The following RPTOR variants were observed in gnomAD, a reference collection of about 807,000 sequenced individuals.
RPTOR encodes the protein regulatory-associated protein of mTOR.
RPTOR carries 21 observed loss-of-function variants against 169.9 expected under a neutral mutation model. The observed-to-expected ratio is 0.12, with a 90% CI of 0.09 to 0.18. RPTOR has a LOEUF of 0.18. Ranked by LOEUF, RPTOR falls within the 10% of genes least tolerant of loss-of-function variation. The pLI, the probability that RPTOR is intolerant of heterozygous loss-of-function variation, is 1.00. For missense variants in RPTOR, 1,133 were observed against 1,855.9 expected (o/e 0.61, Z 7.16); for synonymous variants, 732 against 753.2 (o/e 0.97, Z 0.46).
At position 80,634,754 on chromosome 17, in the gene RPTOR, TGTGTGCGTACTGTGC is replaced by T. The variant is rs1434351538; in HGVS notation, c.265+8967_266-8954del. 4.3e-5 allele frequency among the ~76,000 whole-genome samples: 6 copies of T among 140,072 alleles called. 1 individual carries two copies. The highest frequency in any genetic ancestry group is 2.8e-4 in the Admixed American group (4 of 14,456). 91.9% of individuals were successfully genotyped at this position (140,072 alleles called of 152,430 possible). ...GCGTACTGTGTGTGTGCATACTGTG[TGTGTGCGTACTGTGC>T]GTGTGTGTACTGTGTGCATGTGCAT... On this transcript the variant is annotated intron_variant, in intron 2 of 33. Transcript: ENST00000306801.
chr17:80,942,808 A>G (rs2069049666), intron 25 of RPTOR, among the ~76,000 whole-genome samples: 1 of 152,258 alleles, frequency 6.6e-6, no homozygotes, highest in Non-Finnish European at 1.5e-5. Context: ...CCTGGGCAAC[A>G]TTCACGACCT....
chr17:80,552,794 G>C (rs2084361342), intron 1 of RPTOR, among the ~76,000 whole-genome samples: 1 of 152,220 alleles, frequency 6.6e-6, no homozygotes, highest in Non-Finnish European at 1.5e-5. Flanking sequence ...AACCTGTGCA[G>C]AGGGAGAAAC....
intron 18 of RPTOR, among the ~76,000 whole-genome samples, 175 bp from the exon 19 acceptor site, chr17:80,892,554 C>T (rs1050233084): frequency 2.0e-5 from 3 of 152,232 alleles, no homozygotes; most frequent in African/African-American, 7.2e-5. Flanking sequence ...AGTGCTATCC[C>T]GCAGAGCCTC....
intron 1 of RPTOR, 36 bp downstream of exon 1, chr17:80,545,827 A>G (rs1257199496): frequency 4.0e-6 from 6 of 1,518,268 alleles, no homozygotes; most frequent in Non-Finnish European, 1.8e-6. Context: ...TGAACTTGGT[A>G]GTTTCCCCAA....
chr17:80,637,501 G>C (rs572149948), intron 2 of RPTOR, among the ~76,000 whole-genome samples: 8 of 152,214 alleles, frequency 5.3e-5, no homozygotes, highest in Non-Finnish European at 1.2e-4. Context: ...AGTGACACTT[G>C]TCCCTTTTCA....
chr17:80,708,597 CCTCCA>C lies in RPTOR; in HGVS notation c.507+599_507+603del. Among the ~76,000 whole-genome samples the C allele has an allele frequency of 7.2e-6, 1 of 139,848 alleles. No homozygotes were observed. The highest frequency in any genetic ancestry group is 1.5e-5 in the Non-Finnish European group (1 of 65,690). 91.7% of individuals were successfully genotyped at this position (139,848 alleles called of 152,430 possible). On this transcript the variant is annotated intron_variant, in intron 4 of 33. Transcript: ENST00000306801. This position sits in a 1 kb window ranked among gnomAD's most constrained non-coding sequence, Gnocchi z 4.2. ...GGTGGGTGCTGACTGTTGTCCCCACCCTCCAGGGTGTGGTGGGTGCTGACTGTCTC... is the reference window on the plus strand; with the variant it reads ...GGTGGGTGCTGACTGTTGTCCCCACCGGGTGTGGTGGGTGCTGACTGTCTC...
intron 3 of RPTOR, among the ~76,000 whole-genome samples, chr17:80,682,115 C>G (rs943550056): frequency 7.9e-5 from 5 of 62,962 alleles, no homozygotes; most frequent in East Asian, 5.7e-4. Context: ...GGTCCCCCCC[C>G]CCACCCCAAA....
At chr17:80,885,281 CT>C in intron 17 of RPTOR, 133 bp downstream of exon 17, 1 of 1,084,970 alleles carries the variant, frequency 9.2e-7, no homozygotes, top group Non-Finnish European at 1.3e-6. Flanking sequence ...GAGAGCAGAT[CT>C]TTACATGTTT....
chr17:80,734,613 A>C (rs1318195364), intron 5 of RPTOR, among the ~76,000 whole-genome samples: 1 of 152,244 alleles, frequency 6.6e-6, no homozygotes, highest in Non-Finnish European at 1.5e-5. Flanking sequence ...AGGCATCCTT[A>C]GCCGACTGGC....
rs181534320 is a variant in RPTOR at position 80,761,867 on chromosome 17, C to T, written c.830+7682C>T. 1.1e-3 allele frequency among the ~76,000 whole-genome samples: 168 copies of T among 152,212 alleles called. 1 individual carries two copies. The highest frequency in any genetic ancestry group is 3.6e-3 in the African/African-American group (151 of 41,530). On this transcript the variant is annotated intron_variant, in intron 6 of 33. Transcript: ENST00000306801. ...TGGTCCTCCCAGAGGGTGAAGTAAC[C>T]GGGACACATTATTGAATAAAATGCT...
intron 1 of RPTOR, among the ~76,000 whole-genome samples, chr17:80,619,140 G>T (rs114454270): frequency 2.6e-5 from 4 of 152,140 alleles, no homozygotes; most frequent in African/African-American, 9.7e-5. Flanking sequence ...TCTGCCTTCA[G>T]ACAAACCAGG....
At chr17:80,608,006 G>A (rs1347858362) in intron 1 of RPTOR, among the ~76,000 whole-genome samples, 1 of 152,198 alleles carries the variant, frequency 6.6e-6, no homozygotes, top group Non-Finnish European at 1.5e-5. Flanking sequence ...TTAATTTAAT[G>A]TGACAAAAGG....
intron 3 of RPTOR, among the ~76,000 whole-genome samples, chr17:80,700,742 G>GTGATGATGATGGTCGTGGTGA (rs1567864699): frequency 3.3e-5 from 4 of 119,784 alleles, no homozygotes; most frequent in Non-Finnish European, 7.2e-5. Flanking sequence ...GATGGTGGTG[G>GTGATGATGATGGTCGTGGTGA]TGGTGGTGGT....
intron 10 of RPTOR, among the ~76,000 whole-genome samples, chr17:80,840,715 C>T (rs1209056068): frequency 3.8e-5 from 4 of 106,354 alleles, no homozygotes; most frequent in African/African-American, 1.5e-4. Flanking sequence ...CAGCTCACAC[C>T]ACACGGCAGC....
chr17:80,836,956 G>A (rs1202922329), intron 9 of RPTOR, among the ~76,000 whole-genome samples: 1 of 152,142 alleles, frequency 6.6e-6, no homozygotes, highest in Non-Finnish European at 1.5e-5. Context: ...GCGTCTGGGG[G>A]TGTCGGTGAG....
At chr17:80,915,262 C>T (rs1016745024) in intron 21 of RPTOR, among the ~76,000 whole-genome samples, 2 of 143,998 alleles carry the variant, frequency 1.4e-5, no homozygotes, top group Non-Finnish European at 3.0e-5. Flanking sequence ...AAACCAGCTG[C>T]GGAGAGGAGT....
At chr17:80,942,421 G>A (rs2069043662) in intron 25 of RPTOR, among the ~76,000 whole-genome samples, 1 of 150,546 alleles carries the variant, frequency 6.6e-6, no homozygotes, top group Admixed American at 6.7e-5. Context: ...CCAAAAAAAA[G>A]AATATATTTG....
intron 5 of RPTOR, among the ~76,000 whole-genome samples, chr17:80,734,014 C>T (rs781449277): frequency 5.9e-5 from 9 of 152,186 alleles, no homozygotes; most frequent in Non-Finnish European, 1.3e-4. Flanking sequence ...TCTCTGACCA[C>T]GATTAACACC....
intron 5 of RPTOR, among the ~76,000 whole-genome samples, chr17:80,739,538 G>C (rs1187360442): frequency 6.6e-6 from 1 of 152,136 alleles, no homozygotes; most frequent in Non-Finnish European, 1.5e-5. Context: ...CTTTTCCAGC[G>C]TCCATGCGGC....
Sources: gnomAD v4.1 joint callset for allele counts (sites outside exome capture counted in the v4.1 genomes callset) on GRCh38, gnomAD v4.1.1 for gene constraint, Gnocchi (gnomAD v3.1) non-coding constraint, MANE v1.5 for transcripts, NCBI Gene and HGNC (gene_info 2026-07-23, HGNC 2026-07-21) for gene names.